TRAPPC9: variants seen among roughly 807,000 people sequenced by gnomAD.
TRAPPC9 encodes IKK2 binding protein.
A neutral mutation model predicts 124.0 loss-of-function variants in TRAPPC9; 83 were observed. The observed-to-expected ratio is 0.67, with a 90% CI of 0.56 to 0.80. The LOEUF (loss-of-function observed/expected upper bound fraction) is 0.80, where lower values mean the gene tolerates loss of function less well. Among genes scored for constraint, TRAPPC9 ranks in the 30% least tolerant of loss-of-function variants. The pLI, the probability that TRAPPC9 is intolerant of heterozygous loss-of-function variation, is 0.00. For missense variants in TRAPPC9, 1,302 were observed against 1,508.3 expected, an observed-to-expected ratio of 0.86 and a Z score of 2.27; for synonymous variants, 638 against 617.5, an observed-to-expected ratio of 1.03 and a Z score of -0.49.
At chr8:139,929,142 T>G (rs1389661873) in intron 19 of TRAPPC9, among the ~76,000 whole-genome samples, 1 of 152,216 alleles carries the variant, frequency 6.6e-6, no homozygotes, top group Non-Finnish European at 1.5e-5. Context: ...CTCTTAAAAA[T>G]GTATTAATTA....
intron 17 of TRAPPC9, among the ~76,000 whole-genome samples, chr8:140,027,226 A>G (rs1840203455): frequency 6.6e-6 from 1 of 152,260 alleles, no homozygotes; most frequent in African/African-American, 2.4e-5. Context: ...AGCTCTGTAA[A>G]TGCTGAGTGA....
At position 139,739,333 on chromosome 8, in the gene TRAPPC9, C is replaced by T. The variant is rs7813826; in HGVS notation, c.3056-7131G>A. ...CTGGCCGCTCCCTCTCCTTTCTGCA[C>T]GACCACAGCTCTAGTGTGAGACGCT... is the stretch of plus-strand genomic sequence containing the variant. On this transcript the variant is annotated intron_variant, in intron 21 of 22. Coordinates refer to ENST00000438773, the MANE Select transcript of TRAPPC9 (RefSeq NM_001160372.4). Among the ~76,000 whole-genome samples the T allele has an allele frequency of 4.4e-3, 675 of 152,364 alleles. 9 individuals are homozygous for T. The highest frequency in any genetic ancestry group is 0.016 in the African/African-American group (659 of 41,580).
intron 20 of TRAPPC9, among the ~76,000 whole-genome samples, chr8:139,903,342 G>A (rs1035949751): frequency 6.6e-6 from 1 of 152,232 alleles, no homozygotes; most frequent in East Asian, 1.9e-4. Context: ...AGGCGGATGC[G>A]CCTGGTGGGA....
At chr8:140,068,439 G>A (rs773584013) in intron 17 of TRAPPC9, among the ~76,000 whole-genome samples, 1 of 152,100 alleles carries the variant, frequency 6.6e-6, no homozygotes, top group Non-Finnish European at 1.5e-5. Context: ...AAGACGCTTG[G>A]GCAGGCTGCA....
At chr8:140,028,153 T>C (rs1171116666) in intron 17 of TRAPPC9, among the ~76,000 whole-genome samples, 1 of 152,000 alleles carries the variant, frequency 6.6e-6, no homozygotes, top group African/African-American at 2.4e-5. Context: ...ATATATTATA[T>C]ATATGGTCTT....
chr8:140,180,992 A>G (rs1349345815), intron 17 of TRAPPC9, among the ~76,000 whole-genome samples: 1 of 152,164 alleles, frequency 6.6e-6, no homozygotes, highest in Non-Finnish European at 1.5e-5. Flanking sequence ...TGCATTTCTC[A>G]GGCTAATTCT....
At chr8:140,042,321 A>T (rs1841327780) in intron 17 of TRAPPC9, among the ~76,000 whole-genome samples, 1 of 152,298 alleles carries the variant, frequency 6.6e-6, no homozygotes, top group East Asian at 1.9e-4. Flanking sequence ...CATGTTCGAG[A>T]TATTTCAAAA....
intron 18 of TRAPPC9, among the ~76,000 whole-genome samples, chr8:140,023,448 G>T (rs1480828479): frequency 6.6e-6 from 1 of 152,246 alleles, no homozygotes; most frequent in Non-Finnish European, 1.5e-5. Flanking sequence ...GCCTTTGTAT[G>T]CGAAGGGCCT....
chr8:139,827,516 G>A (rs902714467), intron 21 of TRAPPC9, among the ~76,000 whole-genome samples: 102 of 152,224 alleles, frequency 6.7e-4, no homozygotes, highest in African/African-American at 2.3e-3. Context: ...CAGAGACCGC[G>A]TTGGCTTCCC....
intron 7 of TRAPPC9, among the ~76,000 whole-genome samples, chr8:140,390,396 G>A (rs1259094947): frequency 6.6e-6 from 1 of 152,224 alleles, no homozygotes. Context: ...GCAGGAAGCT[G>A]TGAAGCACCA....
At chr8:140,088,048 G>A (rs1354141170) in intron 17 of TRAPPC9, among the ~76,000 whole-genome samples, 3 of 151,954 alleles carry the variant, frequency 2.0e-5, no homozygotes, top group Non-Finnish European at 4.4e-5. Flanking sequence ...CAGGACAAAT[G>A]CTACCTCCTC....
chr8:140,190,352 GGAGGCT>G (rs939660001), intron 17 of TRAPPC9, among the ~76,000 whole-genome samples: 1 of 152,150 alleles, frequency 6.6e-6, no homozygotes, highest in African/African-American at 2.4e-5. Context: ...CAGCTACTCG[GGAGGCT>G]GAGGCAGGAG....
chr8:140,072,349 G>A (rs1048962586), intron 17 of TRAPPC9, among the ~76,000 whole-genome samples: 1 of 152,158 alleles, frequency 6.6e-6, no homozygotes, highest in Non-Finnish European at 1.5e-5. Flanking sequence ...TGGCTAACAC[G>A]GTGAAACCCT....
At chr8:140,205,490 C>A (rs548767644) in intron 17 of TRAPPC9, among the ~76,000 whole-genome samples, 1 of 152,144 alleles carries the variant, frequency 6.6e-6, no homozygotes, top group East Asian at 1.9e-4. Context: ...CAGAGGAAAT[C>A]GTTAAGATTA....
intron 7 of TRAPPC9, among the ~76,000 whole-genome samples, chr8:140,379,360 C>T (rs539175950): frequency 4.3e-4 from 66 of 152,172 alleles, no homozygotes; most frequent in African/African-American, 1.5e-3. Flanking sequence ...TATGTGCGAC[C>T]GTGGGTGTAG....
At chr8:139,925,359 C>T (rs1434268206) in intron 19 of TRAPPC9, among the ~76,000 whole-genome samples, 1 of 152,090 alleles carries the variant, frequency 6.6e-6, no homozygotes, top group East Asian at 1.9e-4. Context: ...ATCTTAGAGG[C>T]GAGAGAGCTA....
In TRAPPC9 at chr8:140,371,100, C is replaced by T. The variant is rs148641824; in HGVS notation, c.1215G>A (p.Ala405=). The change falls in exon 8 of 23, where the codon GCG becomes GCA. Residue 405 remains alanine (A), a synonymous_variant. Coordinates refer to ENST00000438773, the MANE Select transcript of TRAPPC9 (RefSeq NM_001160372.4). ...YELIGFHRKS[A]FFKRVAAMQC... ...GCATGGCGGCCACGCGCTTGAAGAA[C>T]GCAGACTTGCGATGGAAGCCGATCA... The T allele has an allele frequency of 4.8e-5, 77 of 1,614,200 alleles. 1 individual carries two copies. The East Asian group carries it at 1.1e-3, about 24-fold the overall frequency.
intron 10 of TRAPPC9, among the ~76,000 whole-genome samples, chr8:140,307,972 C>A (rs559099392): frequency 6.6e-6 from 1 of 152,272 alleles, no homozygotes; most frequent in South Asian, 2.1e-4. Context: ...CTGTTCTTTA[C>A]AGCTGAAATA....
chr8:140,111,900 G>A (rs532830604), intron 17 of TRAPPC9, among the ~76,000 whole-genome samples: 17 of 152,230 alleles, frequency 1.1e-4, no homozygotes, highest in Non-Finnish European at 2.1e-4. Flanking sequence ...CCCTGTATGC[G>A]CCAGCACACT....
Sources: allele counts gnomAD v4.1 joint callset (sites outside exome capture counted in the v4.1 genomes callset), GRCh38; gene constraint gnomAD v4.1.1; transcripts MANE v1.5; gene names NCBI Gene and HGNC (gene_info 2026-07-23, HGNC 2026-07-21).